Variants in GALNT13 observed in about 807,000 individuals in gnomAD.
The protein encoded by GALNT13 is UDP-GalNAc:polypeptide N-acetylgalactosaminyltransferase 13.
GALNT13 carries 28 observed loss-of-function variants against 64.2 expected under a neutral mutation model. The observed-to-expected ratio is 0.44, with a 90% CI of 0.32 to 0.60. The LOEUF (loss-of-function observed/expected upper bound fraction) is 0.60, where lower values mean the gene tolerates loss of function less well. Among genes scored for constraint, GALNT13 ranks in the 20% least tolerant of loss-of-function variants. The pLI is 0.05. For missense variants in GALNT13, 577 were observed against 669.8 expected (o/e 0.86, Z 1.53); for synonymous variants, 214 against 224.6 (o/e 0.95, Z 0.42).
At chr2:153,995,789 A>G (rs761285546) in intron 3 of GALNT13, among the ~76,000 whole-genome samples, 1 of 152,024 alleles carries the variant, frequency 6.6e-6, no homozygotes, top group Non-Finnish European at 1.5e-5. Flanking sequence ...TCTAACTGTA[A>G]CTTTGATAAA....
At chr2:154,407,048 T>C (rs915818378) in intron 10 of GALNT13, among the ~76,000 whole-genome samples, 31 of 152,164 alleles carry the variant, frequency 2.0e-4, no homozygotes, top group African/African-American at 7.5e-4. Flanking sequence ...TAAGTCCCTT[T>C]CCAGTACCAC....
the GALNT13 span, among the ~76,000 whole-genome samples, chr2:153,105,812 A>G: frequency 6.6e-6 from 1 of 152,168 alleles, no homozygotes; most frequent in Non-Finnish European, 1.5e-5. Flanking sequence ...CTTACAAGGG[A>G]TGTGAAGGAC....
At chr2:153,822,033 G>A in the GALNT13 span, among the ~76,000 whole-genome samples, 1 of 152,142 alleles carries the variant, frequency 6.6e-6, no homozygotes, top group African/African-American at 2.4e-5. Context: ...ACCGAATCAG[G>A]AGGAAACTGA....
chr2:153,523,050 T>TTTC, the GALNT13 span, among the ~76,000 whole-genome samples: 1 of 147,668 alleles, frequency 6.8e-6, no homozygotes, highest in African/African-American at 2.5e-5. Flanking sequence ...ACTATTTTTT[T>TTTC]TTTTTTTTTT....
At chr2:153,688,221 T>C in the GALNT13 span, among the ~76,000 whole-genome samples, 1,211 of 152,046 alleles carry the variant, frequency 8.0e-3, 12 homozygotes, top group African/African-American at 0.028. Context: ...AGTTGAGTAG[T>C]TGTAAGAGAC....
At chr2:153,618,042 A>T in the GALNT13 span, among the ~76,000 whole-genome samples, 2 of 150,904 alleles carry the variant, frequency 1.3e-5, no homozygotes, top group East Asian at 2.0e-4. Flanking sequence ...TGTGATCTTT[A>T]TTGTTTCTTT....
intron 3 of GALNT13, among the ~76,000 whole-genome samples, chr2:154,023,020 T>G (rs1392351277): frequency 6.6e-6 from 1 of 152,236 alleles, no homozygotes; most frequent in East Asian, 1.9e-4. Context: ...GTGAGTTTCT[T>G]AATCTTGAGT....
At chr2:153,095,654 T>C in the GALNT13 span, among the ~76,000 whole-genome samples, 1 of 152,084 alleles carries the variant, frequency 6.6e-6, no homozygotes, top group African/African-American at 2.4e-5. Flanking sequence ...CCATCAATGA[T>C]AGACTGGATT....
At chr2:154,164,823 A>G (rs889856611) in intron 4 of GALNT13, among the ~76,000 whole-genome samples, 8 of 152,100 alleles carry the variant, frequency 5.3e-5, no homozygotes, top group Non-Finnish European at 1.0e-4. Context: ...AAAATCAAAA[A>G]ATCGACCAGG....
At chr2:153,199,660 A>G in the GALNT13 span, among the ~76,000 whole-genome samples, 24,056 of 152,182 alleles carry the variant, frequency 0.16, 2,007 homozygotes, top group Non-Finnish European at 0.17. Flanking sequence ...TGATGTGATT[A>G]TAGTCTAAAA....
At chr2:153,896,888 T>A (rs1687928971) in intron 1 of GALNT13, among the ~76,000 whole-genome samples, 1 of 152,246 alleles carries the variant, frequency 6.6e-6, no homozygotes, top group South Asian at 2.1e-4. Context: ...TGTTGCATAA[T>A]TTTAAATTTT....
the GALNT13 span, among the ~76,000 whole-genome samples, chr2:153,259,183 T>C: frequency 1.3e-5 from 2 of 152,244 alleles, no homozygotes; most frequent in Non-Finnish European, 2.9e-5. Flanking sequence ...ATAATGACTT[T>C]CTTTGCCTCT....
intron 9 of GALNT13, among the ~76,000 whole-genome samples, chr2:154,324,745 A>C (rs1374484608): frequency 2.0e-5 from 3 of 152,188 alleles, no homozygotes; most frequent in Non-Finnish European, 4.4e-5. Flanking sequence ...GCACAGAGCA[A>C]AAGATGAGGT....
intron 3 of GALNT13, among the ~76,000 whole-genome samples, chr2:154,068,939 G>C (rs1379271958): frequency 6.6e-6 from 1 of 151,916 alleles, no homozygotes; most frequent in East Asian, 1.9e-4. Flanking sequence ...ATAAATGCTT[G>C]AGGTGCTGGA....
the GALNT13 span, among the ~76,000 whole-genome samples, chr2:153,196,960 T>A: frequency 6.6e-6 from 1 of 152,190 alleles, no homozygotes; most frequent in Non-Finnish European, 1.5e-5. Context: ...GCTGCTGCCA[T>A]CAGTGGGACA....
chr2:153,275,370 G>C, the GALNT13 span, among the ~76,000 whole-genome samples: 1 of 152,114 alleles, frequency 6.6e-6, no homozygotes, highest in African/African-American at 2.4e-5. Flanking sequence ...GGTCTTAAAG[G>C]TGATTAGGCA....
chr2:153,398,367 A>C, the GALNT13 span, among the ~76,000 whole-genome samples: 19 of 152,220 alleles, frequency 1.2e-4, no homozygotes, highest in African/African-American at 4.1e-4. Flanking sequence ...ATGGTGAATA[A>C]TGCCGCAATA....
At chr2:153,168,471 A>G in the GALNT13 span, among the ~76,000 whole-genome samples, 3 of 152,174 alleles carry the variant, frequency 2.0e-5, no homozygotes, top group Non-Finnish European at 2.9e-5. Flanking sequence ...AATTTGCTAT[A>G]TATACATTAT....
chr2:153,808,234 C>G, the GALNT13 span, among the ~76,000 whole-genome samples: 3 of 152,056 alleles, frequency 2.0e-5, no homozygotes, highest in African/African-American at 7.2e-5. Flanking sequence ...TCAATATTAG[C>G]AATATTCTAT....
Sources: gnomAD v4.1 joint callset for allele counts (sites outside exome capture counted in the v4.1 genomes callset) on GRCh38, gnomAD v4.1.1 for gene constraint, MANE v1.5 for transcripts, NCBI Gene and HGNC (gene_info 2026-07-23, HGNC 2026-07-21) for gene names.